NSUN7: variants seen among roughly 807,000 people sequenced by gnomAD.
The protein encoded by NSUN7 is protein NSUN7.
Under a neutral mutation model 58.5 loss-of-function variants are expected in NSUN7, and 39 were observed. The ratio of observed to expected loss-of-function variants is 0.67; its 90% CI spans 0.52 to 0.87. The LOEUF (loss-of-function observed/expected upper bound fraction) is 0.87. Ranked by LOEUF, NSUN7 falls within the 40% of genes least tolerant of loss-of-function variation. The probability of loss-of-function intolerance (pLI) is 0.00; values close to 1 mark genes in which losing one functional copy is unlikely to be tolerated. For missense variants in NSUN7, 765 were observed against 844.1 expected, an observed-to-expected ratio of 0.91 and a Z score of 1.16; for synonymous variants, 278 against 303.7, an observed-to-expected ratio of 0.92 and a Z score of 0.88.
chr4:40,769,104 T>A (rs143110881), intron 4 of NSUN7, among the ~76,000 whole-genome samples: 4 of 152,298 alleles, frequency 2.6e-5, no homozygotes, highest in African/African-American at 9.6e-5. Flanking sequence ...TAACTCCAAT[T>A]CAAAAACATA....
intron 2 of NSUN7, among the ~76,000 whole-genome samples, chr4:40,753,499 C>A (rs1422924766): frequency 6.6e-6 from 1 of 152,144 alleles, no homozygotes; most frequent in African/African-American, 2.4e-5. Flanking sequence ...TCTTGAACTC[C>A]TGACCTCGTG....
At chr4:40,758,692 AAAAAAT>A (rs1229449227) in intron 2 of NSUN7, among the ~76,000 whole-genome samples, 1 of 152,022 alleles carries the variant, frequency 6.6e-6, no homozygotes, top group Non-Finnish European at 1.5e-5. Flanking sequence ...TTTAAAAAAC[AAAAAAT>A]AAAAATAAAA....
intron 10 of NSUN7, among the ~76,000 whole-genome samples, chr4:40,803,223 T>C (rs1450144479): frequency 1.3e-5 from 2 of 152,152 alleles, no homozygotes; most frequent in Non-Finnish European, 2.9e-5. Flanking sequence ...TCTTTGCTAT[T>C]GTGACTAGTG....
chr4:40,766,339 T>A (rs1741724125), intron 4 of NSUN7, among the ~76,000 whole-genome samples: 3 of 152,024 alleles, frequency 2.0e-5, no homozygotes, highest in Admixed American at 2.0e-4. Flanking sequence ...ATTGAGATAA[T>A]CATGTGGTTT....
chr4:40,756,163 C>T (rs1741135316), intron 2 of NSUN7, among the ~76,000 whole-genome samples: 1 of 152,318 alleles, frequency 6.6e-6, no homozygotes, highest in South Asian at 2.1e-4. Flanking sequence ...CAGTCAAAGG[C>T]CAACCGTTTC....
intron 2 of NSUN7, among the ~76,000 whole-genome samples, chr4:40,755,861 CA>C (rs1741118065): frequency 1.3e-5 from 2 of 152,302 alleles, no homozygotes; most frequent in Admixed American, 1.3e-4. Flanking sequence ...TTTCCTTTCC[CA>C]GGGTGGTCTA....
chr4:40,781,167 A>G (rs931857192), intron 7 of NSUN7, among the ~76,000 whole-genome samples: 2 of 151,960 alleles, frequency 1.3e-5, no homozygotes, highest in African/African-American at 4.8e-5. Flanking sequence ...CCCAGGTTCA[A>G]GCAATTCTCA....
Position 40,786,568 on chromosome 4 carries a change from A to G in NSUN7, c.1037-4034A>G, listed in dbSNP as rs773496413. Reference sequence around the variant, plus strand: ...TTCAGAAATTGAGAAATTGTTAGCAATGGGTGACCTGAGTTCATCAACTCC... The same window carrying G: ...TTCAGAAATTGAGAAATTGTTAGCAGTGGGTGACCTGAGTTCATCAACTCC... On this transcript the variant is annotated intron_variant, in intron 7 of 11. Coordinates refer to ENST00000381782, the MANE Select transcript of NSUN7 (RefSeq NM_024677.6). The G allele has an allele frequency of 8.6e-5, 139 of 1,613,276 alleles. 2 individuals carry two copies. The highest frequency in any genetic ancestry group is 6.6e-4 in the Middle Eastern group (4 of 6,076).
intron 8 of NSUN7, among the ~76,000 whole-genome samples, chr4:40,793,647 G>A (rs1229495075): frequency 6.6e-6 from 1 of 152,094 alleles, no homozygotes. Flanking sequence ...TTAAAAATTT[G>A]GGTCCTCTGG....
intron 10 of NSUN7, among the ~76,000 whole-genome samples, chr4:40,799,976 C>T (rs1455563787): frequency 1.3e-5 from 2 of 152,104 alleles, no homozygotes; most frequent in Non-Finnish European, 2.9e-5. Context: ...AGCCTTTTTC[C>T]AAATGGCATC....
chr4:40,792,462 C>T lies in NSUN7; in HGVS notation c.1180+1717C>T, dbSNP rs369256894. Among the ~76,000 whole-genome samples the T allele has an allele frequency of 4.6e-5, 7 of 152,244 alleles. No homozygotes were observed. The South Asian group carries it at 1.0e-3, about 23-fold the overall frequency. On this transcript the variant is annotated intron_variant, in intron 8 of 11. Transcript: ENST00000381782. ...ATGATAGGATAAGCTAAGAAGTTGTCGTATACTGGCCGGGAGCGGTGGCTC... is the reference window on the plus strand; with the variant it reads ...ATGATAGGATAAGCTAAGAAGTTGTTGTATACTGGCCGGGAGCGGTGGCTC...
intron 7 of NSUN7, among the ~76,000 whole-genome samples, chr4:40,779,578 T>C (rs755686668): frequency 1.3e-5 from 2 of 152,150 alleles, no homozygotes; most frequent in Non-Finnish European, 2.9e-5. Context: ...CACTCCAGCC[T>C]GGGCCACAGA....
At chr4:40,789,998 C>G (rs1743004000) in intron 7 of NSUN7, among the ~76,000 whole-genome samples, 1 of 151,366 alleles carries the variant, frequency 6.6e-6, no homozygotes, top group Admixed American at 6.6e-5. Flanking sequence ...ATGTTTTACA[C>G]CAGTTTGTAT....
At chr4:40,751,192 C>T (rs1454321569) in intron 2 of NSUN7, among the ~76,000 whole-genome samples, 1 of 152,204 alleles carries the variant, frequency 6.6e-6, no homozygotes, top group Non-Finnish European at 1.5e-5. Flanking sequence ...TGCAGATTTC[C>T]CCGTGCACTG....
chr4:40,800,142 C>G (rs919090106), intron 10 of NSUN7, among the ~76,000 whole-genome samples: 6 of 152,178 alleles, frequency 3.9e-5, no homozygotes, highest in African/African-American at 1.4e-4. Context: ...TTCAGAAATG[C>G]TGAGCTTCAT....
chr4:40,765,653 T>C (rs1338911735), intron 4 of NSUN7, among the ~76,000 whole-genome samples: 1 of 152,218 alleles, frequency 6.6e-6, no homozygotes, highest in Non-Finnish European at 1.5e-5. Context: ...TGGCATTGAA[T>C]CTATAAATTA....
chr4:40,789,432 G>C (rs1258838591), intron 7 of NSUN7, among the ~76,000 whole-genome samples: 1 of 152,112 alleles, frequency 6.6e-6, no homozygotes, highest in Non-Finnish European at 1.5e-5. Context: ...TGAGACTGTT[G>C]GGAAATGCGA....
chr4:40,769,625 AATGTTAAACCAGCC>A (rs1306132197), intron 4 of NSUN7, among the ~76,000 whole-genome samples: 1 of 152,206 alleles, frequency 6.6e-6, no homozygotes, highest in Admixed American at 6.5e-5. Context: ...CTGGTTTATG[AATGTTAAACCAGCC>A]ATGCATTTTT....
chr4:40,793,489 C>T (rs1428186961), intron 8 of NSUN7, among the ~76,000 whole-genome samples: 4 of 152,032 alleles, frequency 2.6e-5, no homozygotes, highest in Non-Finnish European at 5.9e-5. Flanking sequence ...AAAAACAAAA[C>T]CTCATGAAAT....
Sources: gnomAD v4.1 joint callset for allele counts (sites outside exome capture counted in the v4.1 genomes callset) on GRCh38, gnomAD v4.1.1 for gene constraint, MANE v1.5 for transcripts, NCBI Gene and HGNC (gene_info 2026-07-23, HGNC 2026-07-21) for gene names.